Variants in TOM1L1 observed in about 807,000 individuals in gnomAD.
TOM1L1 encodes TOM1-like protein 1.
TOM1L1 carries 64 observed loss-of-function variants against 63.4 expected under a neutral mutation model. The ratio of observed to expected loss-of-function variants is 1.01; its 90% CI spans 0.83 to 1.24. TOM1L1 has a LOEUF of 1.24. Ranked by LOEUF, TOM1L1 falls within the 50% of genes most tolerant of loss-of-function variation. The probability of loss-of-function intolerance (pLI) is 0.00; values close to 1 mark genes in which losing one functional copy is unlikely to be tolerated. For synonymous variants in TOM1L1, 166 were observed against 194.4 expected (o/e 0.85, Z 1.22); for missense variants, 536 against 567.0 (o/e 0.95, Z 0.55).
At chr17:54,941,905 G>A (rs974991029) in intron 11 of TOM1L1, among the ~76,000 whole-genome samples, 1 of 152,096 alleles carries the variant, frequency 6.6e-6, no homozygotes, top group Non-Finnish European at 1.5e-5. Flanking sequence ...GCGTATACCT[G>A]GTTTAAATCA....
Position 54,906,667 on chromosome 17 carries a change from T to A in TOM1L1, c.222+1100T>A, listed in dbSNP as rs905013392. 5 of 680,740 alleles carry A rather than the reference T, an allele frequency of 7.3e-6. No individual in the cohort carries two copies. In the African/African-American group the frequency reaches 9.8e-5, roughly 13 times the overall value. 42.2% of individuals were successfully genotyped at this position (680,740 alleles called of 1,614,324 possible). A position where few individuals can be genotyped will look rare whatever the true frequency, so the allele number is the denominator to read the frequency against. The stretch of plus-strand genomic sequence containing the variant: ...GCCTGGCGTGATTTGGAGAATGTTC[T>A]ATGTTGGTTTAAGCAATTCTCCTGT... On this transcript the variant is annotated intron_variant, in intron 3 of 15. Coordinates refer to ENST00000575882, the MANE Select transcript of TOM1L1 (RefSeq NM_005486.3).
chr17:54,951,283 C>G (rs2049228040), intron 14 of TOM1L1, among the ~76,000 whole-genome samples: 1 of 152,230 alleles, frequency 6.6e-6, no homozygotes, highest in Non-Finnish European at 1.5e-5. Context: ...CATGGAGTTT[C>G]CGTGCCCTCC....
At chr17:54,947,455 A>C in intron 12 of TOM1L1, 143 bp downstream of exon 12, 1 of 891,384 alleles carries the variant, frequency 1.1e-6, no homozygotes, top group East Asian at 2.6e-5. Context: ...TAAGGATCAA[A>C]ATTTTTTTGG....
At chr17:54,914,795 C>A in intron 6 of TOM1L1, 52 bp downstream of exon 6, 1 of 1,387,896 alleles carries the variant, frequency 7.2e-7, no homozygotes, top group Non-Finnish European at 1.0e-6. Flanking sequence ...GATTTGTAAG[C>A]ACCTTATATA....
At chr17:54,935,226 A>G (rs1437587119) in intron 8 of TOM1L1, among the ~76,000 whole-genome samples, 1 of 152,042 alleles carries the variant, frequency 6.6e-6, no homozygotes, top group Non-Finnish European at 1.5e-5. Flanking sequence ...GTAGGTAGCG[A>G]AAAATTATAG....
rs139151969 is a variant in TOM1L1 at position 54,919,417 on chromosome 17, C to T, written c.720+3555C>T. ...TCTCATCCATCTGTGGCAAACAATC[C>T]TTCAGTAAAAACACACTGAAACATT... On this transcript the variant is annotated intron_variant, in intron 7 of 15. Coordinates refer to ENST00000575882, the MANE Select transcript of TOM1L1 (RefSeq NM_005486.3). Among the ~76,000 whole-genome samples, 16 of 152,212 alleles carry T rather than the reference C, an allele frequency of 1.1e-4. No individual in the cohort carries two copies. The East Asian group carries it at 3.1e-3, about 29-fold the overall frequency.
chr17:54,951,027 G>A (rs564170082), intron 14 of TOM1L1, among the ~76,000 whole-genome samples: 1 of 152,160 alleles, frequency 6.6e-6, no homozygotes, highest in South Asian at 2.1e-4. Flanking sequence ...GACCCCACAG[G>A]TTGAGAGCTC....
At chr17:54,920,031 T>G (rs2048657909) in intron 7 of TOM1L1, among the ~76,000 whole-genome samples, 1 of 152,072 alleles carries the variant, frequency 6.6e-6, no homozygotes, top group Non-Finnish European at 1.5e-5. Context: ...TTTTTCCCCC[T>G]CTAACCCTAT....
chr17:54,932,807 C>T (rs1490395487), intron 8 of TOM1L1, among the ~76,000 whole-genome samples: 1 of 152,188 alleles, frequency 6.6e-6, no homozygotes, highest in Non-Finnish European at 1.5e-5. Flanking sequence ...AAAAAAATAT[C>T]CAAGGAAAAC....
At chr17:54,935,973 A>C (rs2048938789) in intron 8 of TOM1L1, among the ~76,000 whole-genome samples, 1 of 152,196 alleles carries the variant, frequency 6.6e-6, no homozygotes, top group East Asian at 1.9e-4. Flanking sequence ...AAATACAAAA[A>C]TTAGCTGGGC....
intron 7 of TOM1L1, among the ~76,000 whole-genome samples, chr17:54,924,502 A>G (rs983503212): frequency 6.7e-6 from 1 of 149,774 alleles, no homozygotes; most frequent in South Asian, 2.1e-4. Flanking sequence ...CTGATCTCGA[A>G]CTCTTTCTTA....
chr17:54,946,508 C>G (rs181910573), intron 11 of TOM1L1, among the ~76,000 whole-genome samples: 1 of 152,302 alleles, frequency 6.6e-6, no homozygotes, highest in Non-Finnish European at 1.5e-5. Flanking sequence ...CAATTTCCTA[C>G]AAGTCCCATT....
At chr17:54,933,685 G>A (rs2048901269) in intron 8 of TOM1L1, among the ~76,000 whole-genome samples, 1 of 152,156 alleles carries the variant, frequency 6.6e-6, no homozygotes, top group Non-Finnish European at 1.5e-5. Context: ...ACCACGCCCA[G>A]CTAATTTTTG....
At chr17:54,910,766 C>G (rs2048484972) in intron 3 of TOM1L1, among the ~76,000 whole-genome samples, 1 of 152,208 alleles carries the variant, frequency 6.6e-6, no homozygotes. Flanking sequence ...AAGGTTTTCC[C>G]TGTGTTTCAC....
intron 11 of TOM1L1, among the ~76,000 whole-genome samples, chr17:54,947,026 C>T: frequency 6.6e-6 from 1 of 152,180 alleles, no homozygotes; most frequent in Non-Finnish European, 1.5e-5. Context: ...AGACTAAAGG[C>T]TCTGGTCTTA....
chr17:54,936,554 T>A, intron 8 of TOM1L1, 95 bp from the exon 9 acceptor site: 5 of 1,078,814 alleles, frequency 4.6e-6, no homozygotes, highest in Non-Finnish European at 6.7e-6. Context: ...CTGATTGTCT[T>A]CATTCCTAAA....
rs1171117098 is a variant in TOM1L1, at chr17:54,930,079, T to C, written c.727T>C (p.Tyr243His). ...HEDIELLQKL[Y>H]KTGREMQERI... ...TCTCTCCTTTCTTTGACAGAAACTCTATAAAACAGGTCGGGAGATGCAGGA... is the reference window on the plus strand; with the variant it reads ...TCTCTCCTTTCTTTGACAGAAACTCCATAAAACAGGTCGGGAGATGCAGGA... Residue 243 changes from tyrosine (Y) to histidine (H), a missense_variant, in exon 8 of 16, where the codon TAT (tyrosine) becomes CAT (histidine). Tyr to His is a moderately conservative substitution (Grantham distance 83). Coordinates refer to ENST00000575882, the MANE Select transcript of TOM1L1 (RefSeq NM_005486.3). 4 of 1,613,990 alleles carry C rather than the reference T, an allele frequency of 2.5e-6. No individual in the cohort carries two copies. The African/African-American group carries it at 5.3e-5, about 22-fold the overall frequency.
At chr17:54,959,863 C>A (rs2077068353) in intron 14 of TOM1L1, among the ~76,000 whole-genome samples, 1 of 152,088 alleles carries the variant, frequency 6.6e-6, no homozygotes, top group Non-Finnish European at 1.5e-5. Context: ...GCGATCCACC[C>A]ACCTCAGCCT....
At chr17:54,955,803 T>C (rs958369751) in intron 14 of TOM1L1, among the ~76,000 whole-genome samples, 19 of 152,202 alleles carry the variant, frequency 1.2e-4, no homozygotes, top group African/African-American at 4.3e-4. Context: ...ACCACTCTTT[T>C]AGTAGTTCAT....
Sources: gnomAD v4.1 joint callset for allele counts (sites outside exome capture counted in the v4.1 genomes callset) on GRCh38, gnomAD v4.1.1 for gene constraint, MANE v1.5 for transcripts, NCBI Gene and HGNC (gene_info 2026-07-23, HGNC 2026-07-21) for gene names.